Variants in PPP1CB observed in about 807,000 individuals in gnomAD.
PPP1CB encodes protein phosphatase 1 catalytic subunit beta, also known as serine/threonine-protein phosphatase PP1-beta catalytic subunit.
Under a neutral mutation model 43.7 loss-of-function variants are expected in PPP1CB, and 2 were observed. The observed-to-expected ratio is 0.05, with a 90% CI of 0.02 to 0.14. The LOEUF (loss-of-function observed/expected upper bound fraction) is 0.14. PPP1CB is among the 10% of genes least tolerant of loss of function. PPP1CB has a pLI of 1.00. For missense variants in PPP1CB, 84 were observed against 398.0 expected (o/e 0.21, Z 6.71); for synonymous variants, 136 against 135.6 (o/e 1.00, Z -0.02).
chr2:28,791,862 C>T (rs1329984432), intron 6 of PPP1CB, among the ~76,000 whole-genome samples: 1 of 151,984 alleles, frequency 6.6e-6, no homozygotes, highest in Non-Finnish European at 1.5e-5. Context: ...CAGAAACTGC[C>T]AAAATCCTTC....
chr2:28,782,040 TAC>T, intron 4 of PPP1CB, 198 bp downstream of exon 4: 2 of 623,088 alleles, frequency 3.2e-6, no homozygotes, highest in South Asian at 1.8e-5. Flanking sequence ...CTTCTTTAAA[TAC>T]AGTTTCACAT....
At position 28,766,844 on chromosome 2, in the gene PPP1CB, G is replaced by C. The variant is rs573859809; in HGVS notation, c.53-10007G>C. 2.6e-5 allele frequency among the ~76,000 whole-genome samples: 4 copies of C among 152,302 alleles called. No individual in the cohort carries two copies. In the East Asian group the frequency reaches 7.7e-4, roughly 29 times the overall value. ...CGCCTGTAATCCCAGCACTTTGGGA[G>C]GCCAAGGCAGGCAGATCACGAGGTC... is the stretch of plus-strand genomic sequence containing the variant. On this transcript the variant is annotated intron_variant, in intron 1 of 7. Coordinates refer to ENST00000395366, the MANE Select transcript of PPP1CB (RefSeq NM_002709.3).
intron 1 of PPP1CB, among the ~76,000 whole-genome samples, chr2:28,755,701 T>C (rs1267615543): frequency 1.3e-5 from 2 of 152,228 alleles, no homozygotes; most frequent in East Asian, 3.8e-4. Flanking sequence ...CTATAAGTGC[T>C]AAGTTTATTT....
intron 5 of PPP1CB, 116 bp from the exon 6 acceptor site, chr2:28,788,542 T>G: frequency 9.0e-7 from 1 of 1,112,194 alleles, no homozygotes; most frequent in Non-Finnish European, 1.3e-6. Context: ...CAAGTGATGG[T>G]CATTGTTTAG....
intron 1 of PPP1CB, among the ~76,000 whole-genome samples, chr2:28,759,288 G>A (rs986805460): frequency 6.6e-6 from 1 of 152,152 alleles, no homozygotes; most frequent in Non-Finnish European, 1.5e-5. Flanking sequence ...GGCCAAGGCA[G>A]GTGGACCACT....
chr2:28,777,915 A>C (rs1268900223), intron 2 of PPP1CB, among the ~76,000 whole-genome samples: 1 of 152,206 alleles, frequency 6.6e-6, no homozygotes, highest in African/African-American at 2.4e-5. Context: ...TGGCCTCCCA[A>C]AATGCTGGGA....
At chr2:28,777,560 C>T (rs1372913118) in intron 2 of PPP1CB, among the ~76,000 whole-genome samples, 1 of 152,148 alleles carries the variant, frequency 6.6e-6, no homozygotes, top group Non-Finnish European at 1.5e-5. Flanking sequence ...ACCTTGTATT[C>T]TTTTAAGTTT....
At chr2:28,761,507 T>C (rs1255716640) in intron 1 of PPP1CB, among the ~76,000 whole-genome samples, 1 of 152,168 alleles carries the variant, frequency 6.6e-6, no homozygotes, top group Admixed American at 6.5e-5. Flanking sequence ...GGTCAGAAAA[T>C]GTTAGCCGTC....
chr2:28,792,490 C>T (rs1347209295), intron 6 of PPP1CB, among the ~76,000 whole-genome samples: 1 of 152,138 alleles, frequency 6.6e-6, no homozygotes, highest in East Asian at 1.9e-4. Flanking sequence ...CCACTACACT[C>T]CAGCCTAGGC....
intron 2 of PPP1CB, chr2:28,778,244 C>A: frequency 2.6e-6 from 1 of 389,702 alleles, no homozygotes; most frequent in Non-Finnish European, 5.4e-6. Flanking sequence ...GTTAAACTAC[C>A]AGATAATAAA....
intron 4 of PPP1CB, among the ~76,000 whole-genome samples, chr2:28,782,161 A>G (rs1476300804): frequency 6.6e-6 from 1 of 152,154 alleles, no homozygotes; most frequent in Non-Finnish European, 1.5e-5. Context: ...CTTCCTGCCT[A>G]TATTGAAATC....
chr2:28,756,132 A>G (rs1025257046), intron 1 of PPP1CB, among the ~76,000 whole-genome samples: 7 of 152,220 alleles, frequency 4.6e-5, no homozygotes, highest in Non-Finnish European at 2.9e-5. Flanking sequence ...TTCCCTTGTC[A>G]TTGAAATGTC....
intron 1 of PPP1CB, among the ~76,000 whole-genome samples, chr2:28,773,396 G>A (rs112267028): frequency 2.6e-5 from 4 of 152,224 alleles, no homozygotes; most frequent in African/African-American, 9.6e-5. Context: ...ACTCCTATCA[G>A]TCTTATAAAA....
chr2:28,799,460 TAGAA>T lies in PPP1CB; in HGVS notation c.*161_*164del, dbSNP rs767455566. The T allele has an allele frequency of 1.2e-5, 7 of 566,706 alleles. No homozygotes were observed. The highest frequency in any genetic ancestry group is 4.0e-4 in the Middle Eastern group (1 of 2,490). 35.1% of individuals were successfully genotyped at this position (566,706 alleles called of 1,614,324 possible). On this transcript the variant is annotated 3_prime_UTR_variant, in exon 8 of 8. Transcript: ENST00000395366. ...TAAAGGATCTTAAATTTTTTTCTAA[TAGAA>T]AGATGTGCTACACTGTATTGTAATA...
intron 4 of PPP1CB, 64 bp from the exon 5 acceptor site, chr2:28,783,843 C>T (rs1667207711): frequency 2.3e-5 from 24 of 1,061,378 alleles, no homozygotes; most frequent in South Asian, 9.3e-5. Flanking sequence ...GCTTTTTATT[C>T]GGTGACTGTT....
intron 6 of PPP1CB, among the ~76,000 whole-genome samples, chr2:28,791,410 A>G (rs920858567): frequency 6.6e-6 from 1 of 151,652 alleles, no homozygotes; most frequent in Non-Finnish European, 1.5e-5. Context: ...GGCTCGCTGC[A>G]ACCTCCACCT....
chr2:28,776,587 C>G (rs1667049842), intron 1 of PPP1CB, among the ~76,000 whole-genome samples: 1 of 152,106 alleles, frequency 6.6e-6, no homozygotes, highest in Non-Finnish European at 1.5e-5. Context: ...TCTTTGGCTA[C>G]TAGGCCCCAG....
chr2:28,779,134 A>G, intron 3 of PPP1CB, 95 bp downstream of exon 3: 2 of 939,902 alleles, frequency 2.1e-6, no homozygotes, highest in Non-Finnish European at 1.6e-6. Flanking sequence ...GAGTTTTTTC[A>G]AAATAAGATC....
At chr2:28,751,711 G>A (rs1053977973), upstream of PPP1CB, 2 of 234,028 alleles carry the variant, frequency 8.5e-6, no homozygotes, top group Non-Finnish European at 8.4e-6. Context: ...GTCGAGGGGA[G>A]CCTCGGCGGG....
Sources: allele counts gnomAD v4.1 joint callset (sites outside exome capture counted in the v4.1 genomes callset), GRCh38; gene constraint gnomAD v4.1.1; transcripts MANE v1.5; gene names NCBI Gene and HGNC (gene_info 2026-07-23, HGNC 2026-07-21).